The following RNF166 variants were observed in gnomAD, a reference collection of about 807,000 sequenced individuals.
The protein encoded by RNF166 is ring finger protein 166.
RNF166 carries 19 observed loss-of-function variants against 29.4 expected under a neutral mutation model. The ratio of observed to expected loss-of-function variants is 0.65; its 90% confidence interval spans 0.45 to 0.95. The LOEUF is 0.95. Among genes scored for constraint, RNF166 ranks in the 40% least tolerant of loss-of-function variants. RNF166 has a pLI of 0.00. For synonymous variants in RNF166, 171 were observed against 134.5 expected (o/e 1.27, Z -1.88); for missense variants, 347 against 322.1 (o/e 1.08, Z -0.59).
intron 1 of RNF166, among the ~76,000 whole-genome samples, chr16:88,702,391 C>A (rs996984964): frequency 3.3e-5 from 5 of 152,198 alleles, no homozygotes; most frequent in African/African-American, 1.2e-4. Flanking sequence ...TTCCCTTCTC[C>A]CTGGCAAGGC....
chr16:88,703,245 T>G (rs1910446052), intron 1 of RNF166: 10 of 978,328 alleles, frequency 1.0e-5, no homozygotes, highest in Non-Finnish European at 1.2e-5. Context: ...CTTCTAGAAT[T>G]GCATCGATTG....
chr16:88,703,287 G>A lies in RNF166; in HGVS notation c.156-1869C>T, dbSNP rs998712604. 5.1e-6 allele frequency: 5 copies of A among 984,948 alleles called. No homozygotes were observed. In the African/African-American group the frequency reaches 8.7e-5, roughly 17 times the overall value. The allele number at this position is 984,948 out of a possible 1,614,324, so 61.0% of individuals were successfully genotyped here. On this transcript the variant is annotated intron_variant, in intron 1 of 5. Coordinates refer to ENST00000312838, the MANE Select transcript of RNF166 (RefSeq NM_178841.4). ...AATTGCAAACACACTGGAAACGACT[G>A]GATGGTGCACCTCCTGAGTGAACCC...
Position 88,706,381 on chromosome 16 carries a change from C to T in RNF166, c.-56G>A, listed in dbSNP as rs994527071. The T allele has an allele frequency of 6.6e-6, 8 of 1,214,522 alleles. No homozygotes were observed. Among genetic ancestry groups the T allele is most frequent in the Non-Finnish European group, 8.2e-6 (8 of 972,680 alleles). 75.2% of individuals were successfully genotyped at this position (1,214,522 alleles called of 1,614,324 possible). A position where few individuals can be genotyped will look rare whatever the true frequency, so the allele number is the denominator to read the frequency against. On this transcript the variant is annotated 5_prime_UTR_variant, in exon 1 of 6. Coordinates refer to ENST00000312838, the MANE Select transcript of RNF166 (RefSeq NM_178841.4). ...CGCTGTCCTGGCCCGGGCCGGCCCGCTAGTCACAGCCGCTACTGCGCCGCG... is the reference window on the plus strand; with the variant it reads ...CGCTGTCCTGGCCCGGGCCGGCCCGTTAGTCACAGCCGCTACTGCGCCGCG...
chr16:88,705,007 G>T (rs1482406320), intron 1 of RNF166, among the ~76,000 whole-genome samples: 2 of 152,146 alleles, frequency 1.3e-5, no homozygotes, highest in African/African-American at 4.8e-5. Flanking sequence ...AAATATTCCC[G>T]TTCAGAGGCT....
Position 88,697,590 on chromosome 16 carries a change from G to A in RNF166, c.692C>T (p.Ala231Val). ...CCTTCAGTTCTCAGAGAGAGACAGG[G>A]CCAGAGCAGCCTGGAAGGCGGCCTC... The part of the protein sequence containing the change: ...DEEAAFQAAL[A>V]LSLSEN The change falls in exon 6 of 6, where the codon GCC becomes GTC. Residue 231 changes from alanine (A) to valine (V), a missense_variant. Coordinates refer to ENST00000312838, the MANE Select transcript of RNF166 (RefSeq NM_178841.4). The A allele has an allele frequency of 6.4e-7, 1 of 1,551,122 alleles. No individual in the cohort carries two copies. The highest frequency in any genetic ancestry group is 2.0e-5 in the Admixed American group (1 of 51,160).
At chr16:88,704,006 T>C (rs1013943792) in intron 1 of RNF166, 1 of 985,408 alleles carries the variant, frequency 1.0e-6, no homozygotes, top group Non-Finnish European at 1.2e-6. Flanking sequence ...GCTCAGACTG[T>C]CCCCTGGCTG....
rs143834710 is a variant in RNF166 at position 88,705,150 on chromosome 16, C to T, written c.155+1021G>A. On this transcript the variant is annotated intron_variant, in intron 1 of 5. Coordinates refer to ENST00000312838, the MANE Select transcript of RNF166 (RefSeq NM_178841.4). ...TGCTGCCTGACACAGGTAATGAAGG[C>T]AGCTCTGCATCCTGACACTGGCCCT... 4.8e-4 allele frequency among the ~76,000 whole-genome samples: 73 copies of T among 152,358 alleles called. No homozygotes were observed. The South Asian group carries it at 9.3e-3, about 19-fold the overall frequency.
chr16:88,697,549 C>A lies in RNF166; in HGVS notation c.*19G>T, dbSNP rs368455644. 1 of 1,542,246 alleles carries A rather than the reference C, an allele frequency of 6.5e-7. No individual in the cohort carries two copies. The highest frequency in any genetic ancestry group is 8.8e-7 in the Non-Finnish European group (1 of 1,142,052). ...GGACATCCCTGACCCCAGACGCAGG[C>A]GGGTGGCTGCGCTTCCCTTCAGTTC... On this transcript the variant is annotated 3_prime_UTR_variant, in exon 6 of 6. Transcript: ENST00000312838.
chr16:88,698,912 G>T (rs1909917158), intron 4 of RNF166, 59 bp downstream of exon 4: 3 of 1,318,850 alleles, frequency 2.3e-6, no homozygotes, highest in Admixed American at 3.9e-5. Flanking sequence ...CCTGGGCCTT[G>T]TACTGTCCCC....
rs1910812010 is a variant in RNF166, at chr16:88,706,390, G to A, written c.-65C>T. On this transcript the variant is annotated 5_prime_UTR_variant, in exon 1 of 6. Coordinates refer to ENST00000312838, the MANE Select transcript of RNF166 (RefSeq NM_178841.4). ...GGCCCGGGCCGGCCCGCTAGTCACA[G>A]CCGCTACTGCGCCGCGCTGACGTCA... The A allele has an allele frequency of 1.6e-6, 2 of 1,214,804 alleles. No homozygotes were observed. 75.3% of individuals were successfully genotyped at this position (1,214,804 alleles called of 1,614,324 possible). A position where few individuals can be genotyped will look rare whatever the true frequency, so the allele number is the denominator to read the frequency against.
rs377676787 is a variant in RNF166, at chr16:88,698,613, G to T, written c.541-4C>A. The T allele has an allele frequency of 5.3e-6, 8 of 1,513,600 alleles. No homozygotes were observed. The highest frequency in any genetic ancestry group is 1.4e-5 in the African/African-American group (1 of 72,528). 93.8% of individuals were successfully genotyped at this position (1,513,600 alleles called of 1,614,324 possible). A position where few individuals can be genotyped will look rare whatever the true frequency, so the allele number is the denominator to read the frequency against. On this transcript the variant is annotated splice_polypyrimidine_tract_variant and splice_region_variant and intron_variant, in intron 4 of 5. Coordinates refer to ENST00000312838, the MANE Select transcript of RNF166 (RefSeq NM_178841.4). Reference sequence around the variant, plus strand: ...TTGCCGAGCAGATGGGGCACACCTGGAACAGGCACTGGGGTCAAGCCGAGC... The same window carrying T: ...TTGCCGAGCAGATGGGGCACACCTGTAACAGGCACTGGGGTCAAGCCGAGC...
chr16:88,699,789 G>C, intron 2 of RNF166, 57 bp from the exon 3 acceptor site: 1 of 1,348,482 alleles, frequency 7.4e-7, no homozygotes, highest in Non-Finnish European at 1.0e-6. Context: ...GGGCCGTCCT[G>C]GGGAGGCCGA....
intron 1 of RNF166, among the ~76,000 whole-genome samples, 200 bp downstream of exon 1, chr16:88,705,971 G>A (rs924214548): frequency 6.6e-6 from 1 of 152,090 alleles, no homozygotes; most frequent in African/African-American, 2.4e-5. Flanking sequence ...CGCGAAGGAG[G>A]CTGGGCGGGG....
chr16:88,706,132 A>G, intron 1 of RNF166, 39 bp downstream of exon 1: 3 of 1,125,764 alleles, frequency 2.7e-6, no homozygotes, highest in Non-Finnish European at 2.2e-6. Context: ...GCGGCGGGGC[A>G]CGGCCCCCTC....
chr16:88,701,237 C>T (rs375068094), intron 2 of RNF166, 25 bp downstream of exon 2: 2 of 1,613,220 alleles, frequency 1.2e-6, no homozygotes, highest in Non-Finnish European at 1.7e-6. Flanking sequence ...ACCCCGGCTC[C>T]AGGGCGGCCC....
intron 2 of RNF166, chr16:88,700,556 C>T (rs115801450): frequency 0.039 from 37,579 of 965,952 alleles, 1,144 homozygotes; most frequent in African/African-American, 0.14. Flanking sequence ...CTAGTGTGAG[C>T]GCTTCATAGA....
rs1597418459 is a variant in RNF166, at chr16:88,706,371, G to C, written c.-46C>G. 8.2e-7 allele frequency: 1 copy of C among 1,219,232 alleles called. No homozygotes were observed. The highest frequency in any genetic ancestry group is 4.4e-5 in the Admixed American group (1 of 22,822). 75.5% of individuals were successfully genotyped at this position (1,219,232 alleles called of 1,614,324 possible). ...GCCCGCCGCCCGCTGTCCTGGCCCG[G>C]GCCGGCCCGCTAGTCACAGCCGCTA... On this transcript the variant is annotated 5_prime_UTR_variant, in exon 1 of 6. Transcript: ENST00000312838.
chr16:88,699,118 C>T (rs766321027), intron 3 of RNF166, 33 bp from the exon 4 acceptor site: 1 of 1,383,564 alleles, frequency 7.2e-7, no homozygotes, highest in East Asian at 2.4e-5. Context: ...AGTGGCACGG[C>T]TAGGTGTCTA....
intron 4 of RNF166, 35 bp from the exon 5 acceptor site, chr16:88,698,644 C>A (rs758696494): frequency 6.9e-7 from 1 of 1,447,846 alleles, no homozygotes; most frequent in African/African-American, 1.4e-5. Context: ...CGAGCCGGAC[C>A]GCGGAGAGGC....
Sources: gnomAD v4.1 joint callset for allele counts (sites outside exome capture counted in the v4.1 genomes callset) on GRCh38, gnomAD v4.1.1 for gene constraint, MANE v1.5 for transcripts, NCBI Gene and HGNC (gene_info 2026-07-23, HGNC 2026-07-21) for gene names.